IMMP1L: variants seen among roughly 807,000 people sequenced by gnomAD.
IMMP1L encodes inner mitochondrial membrane peptidase subunit 1.
Under a neutral mutation model 21.8 loss-of-function variants are expected in IMMP1L, and 24 were observed. That is an observed-to-expected ratio of 1.10 (90% CI 0.80 to 1.55). The LOEUF (loss-of-function observed/expected upper bound fraction) is 1.55, where lower values mean the gene tolerates loss of function less well. IMMP1L is among the 40% of genes most tolerant of loss of function. IMMP1L has a pLI of 0.00. For missense variants in IMMP1L, 195 were observed against 200.7 expected, an observed-to-expected ratio of 0.97 and a Z score of 0.17; for synonymous variants, 46 against 62.8, an observed-to-expected ratio of 0.73 and a Z score of 1.26.
intron 4 of IMMP1L, among the ~76,000 whole-genome samples, chr11:31,434,929 C>T (rs1564963572): frequency 6.6e-6 from 1 of 151,910 alleles, no homozygotes; most frequent in South Asian, 2.1e-4. Context: ...TAAGACTGCT[C>T]TAGTAGGAAA....
intron 3 of IMMP1L, among the ~76,000 whole-genome samples, chr11:31,459,727 C>T (rs1174035620): frequency 1.3e-5 from 2 of 152,084 alleles, no homozygotes; most frequent in Non-Finnish European, 2.9e-5. Flanking sequence ...CCTCAGCCTG[C>T]TGTGAAATAG....
intron 1 of IMMP1L, among the ~76,000 whole-genome samples, chr11:31,501,397 G>A (rs1183437488): frequency 2.6e-5 from 4 of 152,120 alleles, no homozygotes; most frequent in Non-Finnish European, 4.4e-5. Context: ...AAATGAGATT[G>A]AGGCTGAGAG....
chr11:31,488,053 C>G (rs1449450411), intron 1 of IMMP1L: 1 of 151,836 alleles, frequency 6.6e-6, no homozygotes, highest in Non-Finnish European at 1.5e-5. Context: ...CAGCAGGGAG[C>G]AGCATTACAA....
chr11:31,504,517 G>A (rs1955723069), intron 1 of IMMP1L, among the ~76,000 whole-genome samples: 1 of 152,152 alleles, frequency 6.6e-6, no homozygotes, highest in Admixed American at 6.6e-5. Flanking sequence ...GAGAATAGCT[G>A]AAATGAAAGA....
At chr11:31,463,897 T>C (rs891377784) in intron 1 of IMMP1L, among the ~76,000 whole-genome samples, 1 of 152,074 alleles carries the variant, frequency 6.6e-6, no homozygotes, top group African/African-American at 2.4e-5. Context: ...TATTAACTAC[T>C]GATGTAACAA....
At chr11:31,500,985 T>C (rs980547990) in intron 1 of IMMP1L, among the ~76,000 whole-genome samples, 4 of 152,328 alleles carry the variant, frequency 2.6e-5, no homozygotes, top group African/African-American at 9.6e-5. Context: ...ACTAGCCACA[T>C]GCAGCTGTTT....
At chr11:31,482,211 A>G (rs1171690021) in intron 1 of IMMP1L, among the ~76,000 whole-genome samples, 1 of 152,156 alleles carries the variant, frequency 6.6e-6, no homozygotes, top group East Asian at 1.9e-4. Context: ...GCAAAACTCC[A>G]TAATATGTAA....
At chr11:31,492,440 A>C (rs1955286809) in intron 1 of IMMP1L, among the ~76,000 whole-genome samples, 1 of 152,208 alleles carries the variant, frequency 6.6e-6, no homozygotes, top group Non-Finnish European at 1.5e-5. Flanking sequence ...AACTTTCTCC[A>C]TATGAGTAAT....
At chr11:31,442,646 G>C (rs1022714673) in intron 4 of IMMP1L, among the ~76,000 whole-genome samples, 2 of 152,062 alleles carry the variant, frequency 1.3e-5, no homozygotes, top group Non-Finnish European at 2.9e-5. Context: ...CCTATTGCTC[G>C]TACTTCTTTA....
intron 1 of IMMP1L, among the ~76,000 whole-genome samples, chr11:31,490,666 C>A (rs1055199297): frequency 6.6e-6 from 1 of 151,938 alleles, no homozygotes; most frequent in Admixed American, 6.6e-5. Flanking sequence ...TTATACAACA[C>A]CATTTATAAT....
chr11:31,470,427 C>CAA (rs1419274168), intron 1 of IMMP1L, among the ~76,000 whole-genome samples: 91 of 118,278 alleles, frequency 7.7e-4, no homozygotes, highest in Admixed American at 1.0e-3. Flanking sequence ...AAACAAAAAA[C>CAA]AAAAAACAAA....
At chr11:31,475,891 C>A (rs1469491804) in intron 1 of IMMP1L, among the ~76,000 whole-genome samples, 1 of 151,804 alleles carries the variant, frequency 6.6e-6, no homozygotes, top group East Asian at 1.9e-4. Context: ...GGAAAAAATA[C>A]TAACTCTCAA....
chr11:31,485,862 TAAC>T (rs1324937200), intron 1 of IMMP1L, among the ~76,000 whole-genome samples: 1 of 151,894 alleles, frequency 6.6e-6, no homozygotes, highest in Non-Finnish European at 1.5e-5. Context: ...ATGTTCACAG[TAAC>T]AACTCAGAGC....
Position 31,456,340 on chromosome 11 carries a change from T to C in IMMP1L, c.241A>G (p.Ile81Val), listed in dbSNP as rs534709112. Residue 81 changes from isoleucine (I) to valine (V), a missense_variant, in exon 4 of 6, where the codon ATT (isoleucine) becomes GTT (valine). Transcript: ENST00000532287. The stretch of plus-strand genomic sequence containing the variant: ...TCCAAACCAATTACTCTTTTACAAA[T>C]ATTTGATTTTGGATCACTTGGGCTT... ...AKSPSDPKSN[I>V]CKRVIGLEGD... 4 of 1,609,766 alleles carry C rather than the reference T, an allele frequency of 2.5e-6. No homozygotes were observed. The highest frequency in any genetic ancestry group is 4.5e-5 in the East Asian group (2 of 44,752).
intron 4 of IMMP1L, chr11:31,448,978 A>T (rs894561574): frequency 1.0e-6 from 1 of 985,446 alleles, no homozygotes; most frequent in African/African-American, 1.7e-5. Context: ...AAAAGAGTAA[A>T]CATATTTCCT....
intron 4 of IMMP1L, among the ~76,000 whole-genome samples, chr11:31,445,590 A>G (rs570454548): frequency 6.6e-6 from 1 of 152,342 alleles, no homozygotes; most frequent in South Asian, 2.1e-4. Context: ...ATTGTTGAAT[A>G]TATTTGACAG....
At chr11:31,472,392 A>G (rs2133712392) in intron 1 of IMMP1L, among the ~76,000 whole-genome samples, 1 of 152,328 alleles carries the variant, frequency 6.6e-6, no homozygotes, top group South Asian at 2.1e-4. Flanking sequence ...GTTGTTCAGC[A>G]ATCCGTATTT....
intron 4 of IMMP1L, among the ~76,000 whole-genome samples, chr11:31,439,568 T>C (rs1214809206): frequency 6.6e-6 from 1 of 152,212 alleles, no homozygotes; most frequent in African/African-American, 2.4e-5. Flanking sequence ...TGATTATGTG[T>C]TACATTTTTC....
At chr11:31,471,272 C>A (rs1268920226) in intron 1 of IMMP1L, among the ~76,000 whole-genome samples, 2 of 152,046 alleles carry the variant, frequency 1.3e-5, no homozygotes, top group African/African-American at 4.8e-5. Flanking sequence ...CAGTGAGAAA[C>A]CTGTTTGGAT....
Sources: gnomAD v4.1 joint callset for allele counts (sites outside exome capture counted in the v4.1 genomes callset) on GRCh38, gnomAD v4.1.1 for gene constraint, MANE v1.5 for transcripts, NCBI Gene and HGNC (gene_info 2026-07-23, HGNC 2026-07-21) for gene names.